The following ERN1 variants were observed in gnomAD, a reference collection of about 807,000 sequenced individuals.
ERN1 encodes serine/threonine-protein kinase/endoribonuclease IRE1.
A neutral mutation model predicts 113.1 loss-of-function variants in ERN1; 39 were observed. That is an observed-to-expected ratio of 0.34 (90% CI 0.27 to 0.45). The LOEUF (loss-of-function observed/expected upper bound fraction) is 0.45, where lower values mean the gene tolerates loss of function less well. Among genes scored for constraint, ERN1 ranks in the 20% least tolerant of loss-of-function variants. The probability of loss-of-function intolerance (pLI) is 1.00; values close to 1 mark genes in which losing one functional copy is unlikely to be tolerated. For synonymous variants in ERN1, 507 were observed against 515.9 expected (o/e 0.98, Z 0.23); for missense variants, 976 against 1,274.8 (o/e 0.77, Z 3.57).
intron 1 of ERN1, among the ~76,000 whole-genome samples, chr17:64,119,384 T>TTTTTTGTTTTTTTTG (rs1914895584): frequency 8.2e-6 from 1 of 122,692 alleles, no homozygotes; most frequent in African/African-American, 4.2e-5. Context: ...AGGTTTTTTT[T>TTTTTTGTTTTTTTTG]TTTTTTTTTT....
rs1363385813 is a variant in ERN1 at position 64,063,608 on chromosome 17, T to C, written c.1087+378A>G. Among the ~76,000 whole-genome samples, 2 of 152,122 alleles carry C rather than the reference T, an allele frequency of 1.3e-5. No homozygotes were observed. ...CATGCCCACGTGGACTCCAAGTTAA[T>C]TCTTCCATAGAAACAGTCTCAGTTT... is the stretch of plus-strand genomic sequence containing the variant. On this transcript the variant is annotated intron_variant, in intron 10 of 21. Transcript: ENST00000433197. This position sits in a 1 kb window ranked among gnomAD's most constrained non-coding sequence, Gnocchi z 5.1.
At chr17:64,117,399 C>A (rs985884019) in intron 1 of ERN1, among the ~76,000 whole-genome samples, 1 of 151,490 alleles carries the variant, frequency 6.6e-6, no homozygotes, top group East Asian at 1.9e-4. Context: ...GCCAAAATCA[C>A]GCCACTGCAC....
At chr17:64,085,287 T>C (rs1913889989) in intron 2 of ERN1, among the ~76,000 whole-genome samples, 1 of 152,196 alleles carries the variant, frequency 6.6e-6, no homozygotes, top group African/African-American at 2.4e-5. Flanking sequence ...GGCATTAGCA[T>C]TTGCCTCTGA....
chr17:64,069,523 T>C lies in ERN1; in HGVS notation c.479-1232A>G, dbSNP rs566258266. Among the ~76,000 whole-genome samples the C allele has an allele frequency of 2.2e-3, 328 of 152,230 alleles. 1 individual carries two copies. Among genetic ancestry groups the C allele is most frequent in the Non-Finnish European group, 3.5e-3 (235 of 68,016 alleles). Reference sequence around the variant, plus strand: ...TGAGAGCACTATATTAGGGAACCAATCCCAGAGGGCAAAACTGGGCCCTAA... The same window carrying C: ...TGAGAGCACTATATTAGGGAACCAACCCCAGAGGGCAAAACTGGGCCCTAA... On this transcript the variant is annotated intron_variant, in intron 6 of 21. Coordinates refer to ENST00000433197, the MANE Select transcript of ERN1 (RefSeq NM_001433.5).
intron 11 of ERN1, among the ~76,000 whole-genome samples, chr17:64,059,053 C>T (rs967615630): frequency 3.3e-5 from 5 of 152,156 alleles, no homozygotes; most frequent in African/African-American, 1.2e-4. Context: ...AGATTTGACA[C>T]GTGGCTACCT....
Position 64,054,393 on chromosome 17 carries a change from C to T in ERN1, c.1810G>A (p.Glu604Lys), listed in dbSNP as rs1301193058. 3.1e-6 allele frequency: 5 copies of T among 1,595,466 alleles called. No homozygotes were observed. The highest frequency in any genetic ancestry group is 4.3e-6 in the Non-Finnish European group (5 of 1,171,140). Residue 604 changes from glutamate to lysine, a missense_variant, in exon 15 of 22, where the codon GAG (glutamate) becomes AAG (lysine). By Grantham distance (56) the Glu-to-Lys change is moderately conservative. Transcript: ENST00000433197. The surrounding 1 kb of genome is among the most constrained non-coding windows in gnomAD (Gnocchi z 4.9). ...TCACGGTCTGCGAAGCTAAAACACT[C>T]GGGGAGGATCCTCTTCACGGCCACG... ...RDVAVKRILP[E>K]CFSFADREVQ...
chr17:64,055,945 T>C lies in ERN1; in HGVS notation c.1402A>G (p.Met468Val). 6.5e-7 allele frequency: 1 copy of C among 1,540,018 alleles called. No individual in the cohort carries two copies. The highest frequency in any genetic ancestry group is 8.8e-7 in the Non-Finnish European group (1 of 1,141,820). ...VAFIITYPLS[M>V]HQQQQLQHQQ... ...TGCTGGAGCTGCTGCTGCTGATGCATGCTCTGGGAAGAGAAACCCACATCC... is the reference window on the plus strand; with the variant it reads ...TGCTGGAGCTGCTGCTGCTGATGCACGCTCTGGGAAGAGAAACCCACATCC... Residue 468 changes from methionine to valine, a missense_variant, in exon 13 of 22, where the codon ATG becomes GTG. Transcript: ENST00000433197.
Position 64,049,264 on chromosome 17 carries a change from A to G in ERN1, c.2254-62T>C. The G allele has an allele frequency of 1.4e-6, 2 of 1,459,026 alleles. No individual in the cohort carries two copies. The highest frequency in any genetic ancestry group is 2.0e-5 in the Admixed American group (1 of 48,816). The allele number at this position is 1,459,026 out of a possible 1,614,324, so 90.4% of individuals were successfully genotyped here. ...AGAGTTTTCATCCTCACTCACAGTC[A>G]GGGAGGGAGGAGCATTGCTGCTGCT... On this transcript the variant is annotated intron_variant, in intron 17 of 21. Coordinates refer to ENST00000433197, the MANE Select transcript of ERN1 (RefSeq NM_001433.5). The surrounding 1 kb of genome is among the most constrained non-coding windows in gnomAD (Gnocchi z 4.7).
At chr17:64,115,816 AG>A (rs1445046810) in intron 1 of ERN1, among the ~76,000 whole-genome samples, 2 of 152,278 alleles carry the variant, frequency 1.3e-5, no homozygotes, top group East Asian at 3.9e-4. Context: ...TGGGTTTCCA[AG>A]AAAGTAAGAA....
intron 12 of ERN1, 130 bp from the exon 13 acceptor site, chr17:64,056,078 C>T: frequency 2.9e-6 from 4 of 1,390,386 alleles, no homozygotes; most frequent in Non-Finnish European, 3.8e-6. Context: ...CACAAAGAGA[C>T]CAGTGAGAAG....
chr17:64,126,130 C>T (rs749405190), intron 1 of ERN1, among the ~76,000 whole-genome samples: 2 of 152,040 alleles, frequency 1.3e-5, no homozygotes, highest in South Asian at 4.1e-4. Context: ...TTATTATTCA[C>T]AAACTGTGAT....
chr17:64,055,922 C>T lies in ERN1; in HGVS notation c.1425G>A (p.Gln475=), dbSNP rs1297483865. Residue 475 remains glutamine, a synonymous_variant, in exon 13 of 22, where the codon CAG becomes CAA. Transcript: ENST00000433197. Reference sequence around the variant, plus strand: ...CCAGTTCCTTCTGGAACTGCTGGTGCTGGAGCTGCTGCTGCTGATGCATGC... The same window carrying T: ...CCAGTTCCTTCTGGAACTGCTGGTGTTGGAGCTGCTGCTGCTGATGCATGC... ...PLSMHQQQQL[Q]HQQFQKELEK... is the part of the protein sequence containing the mutation. 2 of 1,547,624 alleles carry T rather than the reference C, an allele frequency of 1.3e-6. No individual in the cohort carries two copies. Among genetic ancestry groups the T allele is most frequent in the Non-Finnish European group, 1.7e-6 (2 of 1,145,420 alleles).
intron 2 of ERN1, among the ~76,000 whole-genome samples, chr17:64,095,075 C>A (rs1269832175): frequency 6.6e-6 from 1 of 152,132 alleles, no homozygotes; most frequent in Non-Finnish European, 1.5e-5. Flanking sequence ...AAGTCAAGGC[C>A]ACTGGTATCC....
intron 1 of ERN1, among the ~76,000 whole-genome samples, chr17:64,108,376 C>T (rs1914586426): frequency 6.6e-6 from 1 of 152,162 alleles, no homozygotes; most frequent in African/African-American, 2.4e-5. Context: ...CTGCCATCAA[C>T]TTACATTGCC....
In ERN1 at chr17:64,042,790, T is replaced by C. The variant is rs558533474; in HGVS notation, c.*1198A>G. 1 of 147,614 alleles carries C rather than the reference T, an allele frequency of 6.8e-6. No individual in the cohort carries two copies. The highest frequency in any genetic ancestry group is 2.7e-5 in the African/African-American group (1 of 37,088). The allele number at this position is 147,614 out of a possible 1,614,324, so 9.1% of individuals were successfully genotyped here. On this transcript the variant is annotated 3_prime_UTR_variant, in exon 22 of 22. Coordinates refer to ENST00000433197, the MANE Select transcript of ERN1 (RefSeq NM_001433.5). ...CTCTTCAGCATTAGAGAATGTTCTATACATGAACACTCTTGAGGGGATGGT... is the reference window on the plus strand; with the variant it reads ...CTCTTCAGCATTAGAGAATGTTCTACACATGAACACTCTTGAGGGGATGGT...
intron 1 of ERN1, among the ~76,000 whole-genome samples, chr17:64,127,984 C>G (rs115376448): frequency 1.2e-3 from 175 of 151,140 alleles, no homozygotes; most frequent in African/African-American, 4.1e-3. Flanking sequence ...GGAGAAAATT[C>G]TAGGAGTGAA....
chr17:64,053,534 A>C (rs1324714850), intron 15 of ERN1, among the ~76,000 whole-genome samples, 163 bp from the exon 16 acceptor site: 1 of 152,238 alleles, frequency 6.6e-6, no homozygotes, highest in Non-Finnish European at 1.5e-5. Flanking sequence ...CAAATCTACT[A>C]ATTTACAATG....
chr17:64,060,541 T>A lies in ERN1; in HGVS notation c.1134A>T (p.Arg378Ser), dbSNP rs1164317730. ...PLSASTKMLE[R>S]FPNNLPKHRE... Reference sequence around the variant, plus strand: ...GATGTTTGGGTAGATTGTTGGGAAATCTCTCCAGCATCTTGGTAGACGCAG... The same window carrying A: ...GATGTTTGGGTAGATTGTTGGGAAAACTCTCCAGCATCTTGGTAGACGCAG... Residue 378 changes from arginine (R) to serine (S), a missense_variant, in exon 11 of 22, where the codon AGA becomes AGT. Arg to Ser is a moderately radical substitution (Grantham distance 110). Transcript: ENST00000433197. 7 of 1,613,972 alleles carry A rather than the reference T, an allele frequency of 4.3e-6. No homozygotes were observed. The highest frequency in any genetic ancestry group is 5.9e-6 in the Non-Finnish European group (7 of 1,179,842).
chr17:64,054,739 G>C lies in ERN1; in HGVS notation c.1762C>G (p.Arg588Gly), dbSNP rs773459403. The change falls in exon 14 of 22, where the codon CGG becomes GGG. Residue 588 changes from arginine (R) to glycine (G), a missense_variant and splice_region_variant. Arg to Gly is a moderately radical substitution (Grantham distance 125). This residue lies in a region of ERN1 where 297 missense variants were observed against 457.8 expected (regional missense o/e 0.65). Coordinates refer to ENST00000433197, the MANE Select transcript of ERN1 (RefSeq NM_001433.5). The surrounding 1 kb of genome is among the most constrained non-coding windows in gnomAD (Gnocchi z 4.9). Reference protein sequence around the residue: ...GHGAEGTIVYRGMFDNRDVAV... With the variant: ...GHGAEGTIVYGGMFDNRDVAV... ...CAGGGGGCTGGCTAATCCACTCACC[G>C]GTACACAATTGTGCCCTCAGCTCCA... is the stretch of plus-strand genomic sequence containing the variant. The C allele has an allele frequency of 1.2e-6, 2 of 1,604,010 alleles. No individual in the cohort carries two copies. Among genetic ancestry groups the C allele is most frequent in the South Asian group, 2.3e-5 (2 of 88,780 alleles).
Sources: allele counts gnomAD v4.1 joint callset (sites outside exome capture counted in the v4.1 genomes callset), GRCh38; gene constraint gnomAD v4.1.1; regional missense constraint gnomAD v4.1.1; non-coding constraint Gnocchi (gnomAD v3.1); transcripts MANE v1.5; gene names NCBI Gene and HGNC (gene_info 2026-07-23, HGNC 2026-07-21).